Variants in SLIT3 observed in about 807,000 individuals in gnomAD.
SLIT3 encodes the protein slit homolog 3 protein.
SLIT3 carries 68 observed loss-of-function variants against 184.0 expected under a neutral mutation model. The ratio of observed to expected loss-of-function variants is 0.37; its 90% CI spans 0.30 to 0.45. SLIT3 has a LOEUF of 0.45. Ranked by LOEUF, SLIT3 falls within the 20% of genes least tolerant of loss-of-function variation. SLIT3 has a pLI of 1.00. For missense variants in SLIT3, 1,707 were observed against 2,026.0 expected (o/e 0.84, Z 3.02); for synonymous variants, 831 against 828.6 (o/e 1.00, Z -0.05).
At chr5:168,926,263 A>G (rs536042254) in intron 4 of SLIT3, among the ~76,000 whole-genome samples, 1 of 152,198 alleles carries the variant, frequency 6.6e-6, no homozygotes, top group African/African-American at 2.4e-5. Context: ...ATAGCCAAAA[A>G]ACTATAAGCT....
At chr5:168,838,891 C>T (rs1209348328) in intron 6 of SLIT3, among the ~76,000 whole-genome samples, 1 of 152,176 alleles carries the variant, frequency 6.6e-6, no homozygotes, top group Non-Finnish European at 1.5e-5. Flanking sequence ...TTCAATCTCT[C>T]CTCTCTAAAC....
chr5:169,035,647 G>GAAA (rs201819555), intron 4 of SLIT3, among the ~76,000 whole-genome samples: 1,283 of 103,508 alleles, frequency 0.012, 29 homozygotes, highest in African/African-American at 0.042. Context: ...ACTGCATCTG[G>GAAA]AAAAAAAAAA....
intron 4 of SLIT3, among the ~76,000 whole-genome samples, chr5:169,125,404 G>A (rs563237605): frequency 9.2e-5 from 14 of 152,308 alleles, no homozygotes; most frequent in Admixed American, 6.5e-4. Flanking sequence ...AAGCCTTCTC[G>A]CTGGAAACAA....
chr5:169,143,795 G>GA lies in SLIT3; in HGVS notation c.413+49683dup, dbSNP rs373319184. On this transcript the variant is annotated intron_variant, in intron 4 of 35. Transcript: ENST00000519560. ...AGCCTGGGTGACAGAGCCAGAAAAC[G>GA]AAAAAAAACAACAAAAACAGTATGT... Among the ~76,000 whole-genome samples, 1,229 of 151,296 alleles carry GA rather than the reference G, an allele frequency of 8.1e-3. 14 individuals are homozygous for GA. The highest frequency in any genetic ancestry group is 0.028 in the African/African-American group (1,171 of 41,282).
At chr5:168,843,204 G>A (rs939483920) in intron 6 of SLIT3, among the ~76,000 whole-genome samples, 8 of 152,022 alleles carry the variant, frequency 5.3e-5, no homozygotes, top group South Asian at 2.1e-4. Flanking sequence ...TTTATTTCCC[G>A]TGATTCCTCT....
intron 5 of SLIT3, among the ~76,000 whole-genome samples, chr5:168,872,882 C>T (rs1469292357): frequency 6.6e-6 from 1 of 152,052 alleles, no homozygotes; most frequent in African/African-American, 2.4e-5. Context: ...CCTCATGATC[C>T]ACCTGCCTTG....
At chr5:169,099,703 A>G (rs1263012717) in intron 4 of SLIT3, among the ~76,000 whole-genome samples, 1 of 152,198 alleles carries the variant, frequency 6.6e-6, no homozygotes. Flanking sequence ...CTGACACAGA[A>G]TGCCGGTCAT....
At position 168,864,517 on chromosome 5, in the gene SLIT3, T is replaced by C. The variant is rs563923756; in HGVS notation, c.485+18748A>G. ...AGTAAATTTATCAAAGTTAAATTGATAGATTGAAGAGTATGTGTATTTTCA... is the reference window on the plus strand; with the variant it reads ...AGTAAATTTATCAAAGTTAAATTGACAGATTGAAGAGTATGTGTATTTTCA... On this transcript the variant is annotated intron_variant, in intron 5 of 35. Coordinates refer to ENST00000519560, the MANE Select transcript of SLIT3 (RefSeq NM_003062.4). Among the ~76,000 whole-genome samples, 5 of 152,326 alleles carry C rather than the reference T, an allele frequency of 3.3e-5. No homozygotes were observed. The East Asian group carries it at 5.8e-4, about 18-fold the overall frequency.
At chr5:168,982,206 C>A (rs1320570894) in intron 4 of SLIT3, among the ~76,000 whole-genome samples, 1 of 152,224 alleles carries the variant, frequency 6.6e-6, no homozygotes, top group East Asian at 1.9e-4. Flanking sequence ...GTCCACAACT[C>A]ATGTTGAAAT....
chr5:168,937,377 T>G (rs962982349), intron 4 of SLIT3, among the ~76,000 whole-genome samples: 1 of 151,774 alleles, frequency 6.6e-6, no homozygotes, highest in African/African-American at 2.4e-5. Flanking sequence ...CTGTGGGAAA[T>G]GAATTGAACG....
intron 23 of SLIT3, among the ~76,000 whole-genome samples, chr5:168,715,956 G>A (rs933234645): frequency 6.6e-6 from 1 of 151,480 alleles, no homozygotes; most frequent in Non-Finnish European, 1.5e-5. Flanking sequence ...ACAGGCATGA[G>A]CCACTGCGCC....
At chr5:168,912,993 T>C (rs1207425397) in intron 4 of SLIT3, among the ~76,000 whole-genome samples, 1 of 152,206 alleles carries the variant, frequency 6.6e-6, no homozygotes, top group African/African-American at 2.4e-5. Context: ...TTTTGTATTC[T>C]GAGGCACTGA....
At chr5:169,013,998 G>A (rs567212865) in intron 4 of SLIT3, among the ~76,000 whole-genome samples, 57 of 152,278 alleles carry the variant, frequency 3.7e-4, no homozygotes, top group South Asian at 8.3e-4. Context: ...GGATGAGGGA[G>A]AAGGATAAAA....
intron 4 of SLIT3, among the ~76,000 whole-genome samples, chr5:169,109,510 C>G (rs1043042442): frequency 3.9e-5 from 6 of 152,216 alleles, no homozygotes; most frequent in Admixed American, 3.9e-4. Flanking sequence ...AGACTCCTGA[C>G]ACATAGAAAT....
chr5:168,810,951 C>T (rs1757138857), intron 8 of SLIT3, among the ~76,000 whole-genome samples: 1 of 152,080 alleles, frequency 6.6e-6, no homozygotes, highest in African/African-American at 2.4e-5. Context: ...GTATAACTCC[C>T]CCTGAAGTTA....
intron 3 of SLIT3, among the ~76,000 whole-genome samples, chr5:169,242,418 C>T (rs1765434893): frequency 6.6e-6 from 1 of 152,208 alleles, no homozygotes; most frequent in Non-Finnish European, 1.5e-5. Flanking sequence ...TCTGTAGTTT[C>T]CTGTGGCCAC....
intron 4 of SLIT3, among the ~76,000 whole-genome samples, chr5:168,944,807 C>T (rs930215): frequency 0.55 from 82,908 of 151,978 alleles, 24,833 homozygotes; most frequent in African/African-American, 0.82. Context: ...TAAGCTACTT[C>T]GTATGGTGAC....
intron 1 of SLIT3, among the ~76,000 whole-genome samples, chr5:169,263,060 G>A (rs1766253057): frequency 6.6e-6 from 1 of 152,184 alleles, no homozygotes. Flanking sequence ...AGGAGACAGG[G>A]CTGAGCAAAG....
intron 19 of SLIT3, among the ~76,000 whole-genome samples, chr5:168,749,063 C>T (rs1055623691): frequency 6.6e-6 from 1 of 152,194 alleles, no homozygotes; most frequent in African/African-American, 2.4e-5. Context: ...GAGGCCAGGG[C>T]TCCCATGTAC....
Sources: gnomAD v4.1 joint callset for allele counts (sites outside exome capture counted in the v4.1 genomes callset) on GRCh38, gnomAD v4.1.1 for gene constraint, MANE v1.5 for transcripts, NCBI Gene and HGNC (gene_info 2026-07-23, HGNC 2026-07-21) for gene names.